ST18: variants seen among roughly 807,000 people sequenced by gnomAD.
ST18 encodes the protein suppression of tumorigenicity 18 protein.
In ST18, 50 loss-of-function variants were observed where a neutral mutation model predicts 110.0. That is an observed-to-expected ratio of 0.45 (90% CI 0.36 to 0.58). The LOEUF (loss-of-function observed/expected upper bound fraction) is 0.58, where lower values mean the gene tolerates loss of function less well. ST18 is among the 20% of genes least tolerant of loss of function. The pLI is 0.00. For missense variants in ST18, 1,306 were observed against 1,280.1 expected (o/e 1.02, Z -0.31); for synonymous variants, 461 against 452.4 (o/e 1.02, Z -0.24).
chr8:52,343,936 C>T (rs532409320), intron 2 of ST18, among the ~76,000 whole-genome samples: 5 of 152,232 alleles, frequency 3.3e-5, no homozygotes, highest in African/African-American at 9.6e-5. Context: ...CACAGTGTGG[C>T]TATGCTAATA....
intron 4 of ST18, among the ~76,000 whole-genome samples, chr8:52,221,237 A>G (rs367739977): frequency 6.6e-6 from 1 of 152,188 alleles, no homozygotes; most frequent in African/African-American, 2.4e-5. Context: ...CCAAAATAAA[A>G]AGTTGAGGCA....
intron 2 of ST18, among the ~76,000 whole-genome samples, chr8:52,385,319 A>G (rs1836182021): frequency 6.6e-6 from 1 of 152,192 alleles, no homozygotes; most frequent in Non-Finnish European, 1.5e-5. Flanking sequence ...ATGAAACGAC[A>G]AAGCACACAT....
chr8:52,159,226 C>A, intron 14 of ST18, 117 bp from the exon 15 acceptor site: 1 of 956,812 alleles, frequency 1.0e-6, no homozygotes, highest in Non-Finnish European at 1.5e-6. Context: ...TAAATTAAAA[C>A]ACGTTCCATT....
At chr8:52,237,882 C>T (rs2092899632) in intron 2 of ST18, among the ~76,000 whole-genome samples, 2 of 152,072 alleles carry the variant, frequency 1.3e-5, no homozygotes, top group South Asian at 4.1e-4. Flanking sequence ...AAAAAGACAA[C>T]CCAATCAAAA....
At position 52,409,671 on chromosome 8, in the gene ST18, T is replaced by C. The variant is rs1008330394; in HGVS notation, c.-713A>G. On this transcript the variant is annotated 5_prime_UTR_variant, in exon 1 of 26. Coordinates refer to ENST00000689386, the MANE Select transcript of ST18 (RefSeq NM_001352837.2). ...CACCCACAGTTACCTCAATTATTTT[T>C]CTCTCCTTACCTCTAGTATTCCCCT... is the stretch of plus-strand genomic sequence containing the variant. 6.6e-6 allele frequency: 1 copy of C among 152,230 alleles called. No individual in the cohort carries two copies. Among genetic ancestry groups the C allele is most frequent in the Admixed American group, 6.5e-5 (1 of 15,284 alleles). The allele number at this position is 152,230 out of a possible 1,614,324, so 9.4% of individuals were successfully genotyped here. A position where few individuals can be genotyped will look rare whatever the true frequency, so the allele number is the denominator to read the frequency against.
At chr8:52,276,139 C>CACATCA (rs1554804626) in intron 2 of ST18, among the ~76,000 whole-genome samples, 2 of 7,080 alleles carry the variant, frequency 2.8e-4, no homozygotes, top group African/African-American at 4.5e-4. Context: ...CACACACACA[C>CACATCA]CACATGCACA....
At chr8:52,338,164 T>A (rs988589420) in intron 2 of ST18, among the ~76,000 whole-genome samples, 1 of 152,138 alleles carries the variant, frequency 6.6e-6, no homozygotes, top group Non-Finnish European at 1.5e-5. Flanking sequence ...GTACAAGCAA[T>A]TATCCTGCCT....
chr8:52,390,952 G>T (rs1346574409), intron 2 of ST18, among the ~76,000 whole-genome samples: 1 of 152,180 alleles, frequency 6.6e-6, no homozygotes, highest in Non-Finnish European at 1.5e-5. Context: ...TCAATAAATG[G>T]ATAACAACAG....
intron 2 of ST18, among the ~76,000 whole-genome samples, chr8:52,309,119 T>G (rs1204518365): frequency 6.6e-6 from 1 of 152,132 alleles, no homozygotes; most frequent in East Asian, 1.9e-4. Context: ...CTAGGCTCAG[T>G]GAAGAACAAC....
chr8:52,152,509 T>G (rs1233255230), intron 15 of ST18, among the ~76,000 whole-genome samples: 1 of 152,254 alleles, frequency 6.6e-6, no homozygotes, highest in Non-Finnish European at 1.5e-5. Flanking sequence ...TTCATGTTCT[T>G]TCCGACTTAG....
At chr8:52,349,670 T>C (rs1005926611) in intron 2 of ST18, among the ~76,000 whole-genome samples, 3 of 152,240 alleles carry the variant, frequency 2.0e-5, no homozygotes, top group Non-Finnish European at 4.4e-5. Context: ...AACAAATTTC[T>C]GATTTCTAGC....
chr8:52,168,827 A>G (rs903847398), intron 10 of ST18, among the ~76,000 whole-genome samples: 1 of 152,144 alleles, frequency 6.6e-6, no homozygotes, highest in Non-Finnish European at 1.5e-5. Flanking sequence ...GTTGATGTGA[A>G]ATCTGTAGAC....
intron 9 of ST18, among the ~76,000 whole-genome samples, chr8:52,178,718 T>C (rs1344872264): frequency 7.1e-6 from 1 of 140,928 alleles, no homozygotes; most frequent in Non-Finnish European, 1.6e-5. Flanking sequence ...ATAAAGTTGA[T>C]CAGTTCAAGG....
intron 7 of ST18, among the ~76,000 whole-genome samples, chr8:52,212,805 C>CT (rs2082683433): frequency 6.6e-6 from 1 of 152,110 alleles, no homozygotes; most frequent in Admixed American, 6.5e-5. Context: ...TTTGGCTCTA[C>CT]TAAGGGTGTT....
intron 23 of ST18, among the ~76,000 whole-genome samples, chr8:52,121,146 A>G (rs1468284731): frequency 6.6e-6 from 1 of 152,098 alleles, no homozygotes; most frequent in Non-Finnish European, 1.5e-5. Flanking sequence ...TTTCGTTAGG[A>G]TTATGTTTCG....
chr8:52,143,167 A>C (rs1282414800), intron 16 of ST18, 122 bp from the exon 17 acceptor site: 2 of 652,992 alleles, frequency 3.1e-6, no homozygotes, highest in Non-Finnish European at 5.4e-6. Context: ...ACTTGGCTGA[A>C]ATACCTTAGA....
intron 2 of ST18, among the ~76,000 whole-genome samples, chr8:52,384,992 G>A (rs1378453536): frequency 6.6e-6 from 1 of 152,086 alleles, no homozygotes; most frequent in African/African-American, 2.4e-5. Context: ...ACATACTAAT[G>A]TTACTAATAA....
At chr8:52,332,528 AG>A (rs1810005278) in intron 2 of ST18, among the ~76,000 whole-genome samples, 2 of 113,944 alleles carry the variant, frequency 1.8e-5, no homozygotes, top group Non-Finnish European at 3.4e-5. Context: ...CATCTAATGT[AG>A]CTTTTTTTTT....
At chr8:52,315,936 A>G (rs1430207733) in intron 2 of ST18, among the ~76,000 whole-genome samples, 2 of 152,252 alleles carry the variant, frequency 1.3e-5, no homozygotes, top group African/African-American at 4.8e-5. Context: ...GTTTGACATT[A>G]CCCTGAAACA....
Sources: gnomAD v4.1 joint callset for allele counts (sites outside exome capture counted in the v4.1 genomes callset) on GRCh38, gnomAD v4.1.1 for gene constraint, MANE v1.5 for transcripts, NCBI Gene and HGNC (gene_info 2026-07-23, HGNC 2026-07-21) for gene names.